RPS6KA5: variants seen among roughly 807,000 people sequenced by gnomAD.
RPS6KA5 encodes ribosomal protein S6 kinase alpha-5.
Under a neutral mutation model 85.5 loss-of-function variants are expected in RPS6KA5, and 27 were observed. The ratio of observed to expected loss-of-function variants is 0.32; its 90% confidence interval spans 0.23 to 0.44. The LOEUF (loss-of-function observed/expected upper bound fraction) is 0.44, where lower values mean the gene tolerates loss of function less well. RPS6KA5 is among the 20% of genes least tolerant of loss of function. RPS6KA5 has a pLI of 1.00. For missense variants in RPS6KA5, 811 were observed against 980.9 expected (o/e 0.83, Z 2.31); for synonymous variants, 334 against 348.2 (o/e 0.96, Z 0.46).
At chr14:91,034,836 A>G (rs1389330412) in intron 1 of RPS6KA5, among the ~76,000 whole-genome samples, 2 of 152,148 alleles carry the variant, frequency 1.3e-5, no homozygotes, top group Admixed American at 1.3e-4. Flanking sequence ...GCAGGAATAA[A>G]TTTCGGACAC....
chr14:90,975,963 A>C (rs2140471295), intron 3 of RPS6KA5, among the ~76,000 whole-genome samples: 1 of 152,308 alleles, frequency 6.6e-6, no homozygotes, highest in South Asian at 2.1e-4. Flanking sequence ...TTCTTGACTT[A>C]GCATAAAAAA....
At chr14:90,956,728 TATC>T (rs1307298155) in intron 3 of RPS6KA5, among the ~76,000 whole-genome samples, 4 of 151,980 alleles carry the variant, frequency 2.6e-5, no homozygotes, top group African/African-American at 9.7e-5. Flanking sequence ...AATATTAACT[TATC>T]ATAACAGCTT....
intron 4 of RPS6KA5, among the ~76,000 whole-genome samples, chr14:90,944,339 A>G (rs1194521470): frequency 1.3e-5 from 2 of 152,226 alleles, no homozygotes; most frequent in East Asian, 3.8e-4. Flanking sequence ...ACTAGGGGCC[A>G]GGCACAGTGG....
In RPS6KA5 at chr14:90,864,908, C is replaced by G. The variant is rs1472069817; in HGVS notation, c.*7166G>C. 1 of 152,150 alleles carries G rather than the reference C, an allele frequency of 6.6e-6. No homozygotes were observed. The highest frequency in any genetic ancestry group is 1.5e-5 in the Non-Finnish European group (1 of 68,026). The allele number at this position is 152,150 out of a possible 1,614,324, so 9.4% of individuals were successfully genotyped here. ...GCTAAACTACTAGGGCTGATGGTACCAAGCACTGATGAGGATGTGGAAGAA... is the reference window on the plus strand; with the variant it reads ...GCTAAACTACTAGGGCTGATGGTACGAAGCACTGATGAGGATGTGGAAGAA... On this transcript the variant is annotated 3_prime_UTR_variant, in exon 17 of 17. Transcript: ENST00000614987.
chr14:90,873,840 A>G (rs765526313), intron 15 of RPS6KA5, 45 bp from the exon 16 acceptor site: 3 of 1,549,808 alleles, frequency 1.9e-6, no homozygotes, highest in East Asian at 2.2e-5. Context: ...CATTTTAAAC[A>G]TGGTTTAAAA....
chr14:90,964,897 AGAGT>A (rs1308718061), intron 3 of RPS6KA5, among the ~76,000 whole-genome samples: 1 of 142,392 alleles, frequency 7.0e-6, no homozygotes, highest in African/African-American at 2.6e-5. Flanking sequence ...CCTTGGCAAG[AGAGT>A]GAGACCCTGT....
intron 2 of RPS6KA5, among the ~76,000 whole-genome samples, chr14:90,983,970 G>C (rs2039950463): frequency 6.6e-6 from 1 of 152,004 alleles, no homozygotes; most frequent in Admixed American, 6.6e-5. Context: ...CCAGCCTCCG[G>C]ATTAGCTGGG....
intron 1 of RPS6KA5, among the ~76,000 whole-genome samples, chr14:91,013,977 T>G (rs571598544): frequency 1.3e-5 from 2 of 152,328 alleles, no homozygotes; most frequent in Admixed American, 1.3e-4. Context: ...TCTGAATAGT[T>G]GCAGTGCAAT....
intron 3 of RPS6KA5, among the ~76,000 whole-genome samples, chr14:90,974,042 A>AAAAAAAAAC: frequency 6.6e-6 from 1 of 150,734 alleles, no homozygotes; most frequent in East Asian, 1.9e-4. Context: ...CATCTCAAAA[A>AAAAAAAAAC]AAAAAAAAAA....
At chr14:90,993,773 T>C (rs2040404048) in intron 2 of RPS6KA5, among the ~76,000 whole-genome samples, 1 of 152,238 alleles carries the variant, frequency 6.6e-6, no homozygotes, top group South Asian at 2.1e-4. Context: ...AGTACTTGTA[T>C]TTGCTCTCTG....
rs918241596 is a variant in RPS6KA5, at chr14:90,864,997, G to C, written c.*7077C>G. 1.3e-5 allele frequency: 2 copies of C among 152,144 alleles called. No homozygotes were observed. The highest frequency in any genetic ancestry group is 4.8e-5 in the African/African-American group (2 of 41,408). 9.4% of individuals were successfully genotyped at this position (152,144 alleles called of 1,614,324 possible). A position where few individuals can be genotyped will look rare whatever the true frequency, so the allele number is the denominator to read the frequency against. On this transcript the variant is annotated 3_prime_UTR_variant, in exon 17 of 17. Coordinates refer to ENST00000614987, the MANE Select transcript of RPS6KA5 (RefSeq NM_004755.4). ...GTACAACCATTGTTGAAAACCATTT[G>C]GTAATATCTTCTACAGCTAAATATA...
chr14:90,884,755 A>G (rs1213805923), intron 14 of RPS6KA5, among the ~76,000 whole-genome samples: 1 of 152,126 alleles, frequency 6.6e-6, no homozygotes, highest in African/African-American at 2.4e-5. Context: ...CAGTGTGGGG[A>G]ATTTTGAATC....
chr14:90,981,064 G>A (rs1328864414), intron 2 of RPS6KA5, among the ~76,000 whole-genome samples: 3 of 152,158 alleles, frequency 2.0e-5, no homozygotes, highest in African/African-American at 7.2e-5. Context: ...CCAGCTCCTC[G>A]GGAGGCTGAG....
At chr14:90,881,521 A>G (rs112245180) in intron 14 of RPS6KA5, among the ~76,000 whole-genome samples, 23,519 of 151,462 alleles carry the variant, frequency 0.16, 2,084 homozygotes, top group East Asian at 0.23. Context: ...TGTTTCTGAG[A>G]CGGAGTTTCG....
At chr14:90,873,379 T>A (rs1179559663) in intron 16 of RPS6KA5, among the ~76,000 whole-genome samples, 1 of 152,308 alleles carries the variant, frequency 6.6e-6, no homozygotes, top group South Asian at 2.1e-4. Context: ...AGTTCTATTA[T>A]CTCATCTCAT....
Position 91,060,497 on chromosome 14 carries a change from C to T in RPS6KA5, c.-63G>A. 7.8e-7 allele frequency: 1 copy of T among 1,283,704 alleles called. No individual in the cohort carries two copies. Among genetic ancestry groups the T allele is most frequent in the Non-Finnish European group, 9.9e-7 (1 of 1,006,438 alleles). The allele number at this position is 1,283,704 out of a possible 1,614,324, so 79.5% of individuals were successfully genotyped here. ...GGGAACCCAGGAGACAGCGGACGCC[C>T]GTCCCCTCGCAGCCGCTGCCGCGGC... On this transcript the variant is annotated 5_prime_UTR_variant, in exon 1 of 17. Coordinates refer to ENST00000614987, the MANE Select transcript of RPS6KA5 (RefSeq NM_004755.4).
chr14:90,942,529 A>G (rs2037625663), intron 5 of RPS6KA5, among the ~76,000 whole-genome samples: 1 of 152,248 alleles, frequency 6.6e-6, no homozygotes, highest in Non-Finnish European at 1.5e-5. Context: ...AATTCTAATT[A>G]ATACTGAAAA....
intron 1 of RPS6KA5, among the ~76,000 whole-genome samples, chr14:91,013,123 G>A (rs1352885040): frequency 1.3e-5 from 2 of 152,172 alleles, no homozygotes; most frequent in Non-Finnish European, 2.9e-5. Flanking sequence ...AGGAATTCTG[G>A]TGTCCACTGA....
At chr14:90,903,737 C>G (rs145131279) in intron 8 of RPS6KA5, among the ~76,000 whole-genome samples, 2,540 of 152,250 alleles carry the variant, frequency 0.017, 88 homozygotes, top group South Asian at 0.13. Flanking sequence ...TCCTACAGGT[C>G]TCCTACTACC....
Sources: allele counts gnomAD v4.1 joint callset (sites outside exome capture counted in the v4.1 genomes callset), GRCh38; gene constraint gnomAD v4.1.1; transcripts MANE v1.5; gene names NCBI Gene and HGNC (gene_info 2026-07-23, HGNC 2026-07-21).